Variants in ARHGAP42 observed in about 807,000 individuals in gnomAD.
The protein encoded by ARHGAP42 is rho GTPase-activating protein 42.
ARHGAP42 carries 63 observed loss-of-function variants against 125.0 expected under a neutral mutation model. The observed-to-expected ratio is 0.50, with a 90% CI of 0.41 to 0.62. The LOEUF is 0.62. Among genes scored for constraint, ARHGAP42 ranks in the 20% least tolerant of loss-of-function variants. The probability of loss-of-function intolerance (pLI) is 0.00; values close to 1 mark genes in which losing one functional copy is unlikely to be tolerated. For missense variants in ARHGAP42, 766 were observed against 1,024.2 expected, an observed-to-expected ratio of 0.75 and a Z score of 3.44; for synonymous variants, 339 against 351.0, an observed-to-expected ratio of 0.97 and a Z score of 0.38.
intron 4 of ARHGAP42, among the ~76,000 whole-genome samples, chr11:100,902,071 C>T (rs1866567463): frequency 6.6e-6 from 1 of 152,184 alleles, no homozygotes; most frequent in Non-Finnish European, 1.5e-5. Flanking sequence ...TTTAATAAAA[C>T]TAGCAGAAAA....
intron 1 of ARHGAP42, among the ~76,000 whole-genome samples, chr11:100,745,894 CCT>C (rs1440423180): frequency 6.6e-6 from 1 of 152,180 alleles, no homozygotes; most frequent in Non-Finnish European, 1.5e-5. Context: ...TGACTCAAAT[CCT>C]TCAGCTATTT....
rs183142378 is a variant in ARHGAP42 at position 100,948,822 on chromosome 11, A to G, written c.1122+287A>G. ...TCACCTTGGCTCCACCCATTAGGTT[A>G]GCTTATTCAGTTAATAATGATCGCA... On this transcript the variant is annotated intron_variant, in intron 11 of 23. Transcript: ENST00000298815. 3.9e-3 allele frequency among the ~76,000 whole-genome samples: 594 copies of G among 152,224 alleles called. 3 individuals carry two copies. The highest frequency in any genetic ancestry group is 0.014 in the African/African-American group (568 of 41,562).
intron 3 of ARHGAP42, among the ~76,000 whole-genome samples, chr11:100,842,851 GC>G (rs1239744525): frequency 1.3e-5 from 2 of 152,026 alleles, no homozygotes; most frequent in East Asian, 3.9e-4. Context: ...AGCCCTAAAT[GC>G]CTGCATCAAA....
chr11:100,902,757 C>T (rs566591025), intron 4 of ARHGAP42, among the ~76,000 whole-genome samples: 1 of 152,246 alleles, frequency 6.6e-6, no homozygotes, highest in East Asian at 1.9e-4. Flanking sequence ...ACATTGGCTC[C>T]TTCCATCACG....
intron 1 of ARHGAP42, among the ~76,000 whole-genome samples, chr11:100,737,428 C>CGTT (rs751591381): frequency 6.6e-6 from 1 of 151,982 alleles, no homozygotes; most frequent in Non-Finnish European, 1.5e-5. Context: ...TTTTATGTTT[C>CGTT]GTTGTTGTTG....
At chr11:100,949,262 TG>T (rs565027163) in intron 11 of ARHGAP42, among the ~76,000 whole-genome samples, 3 of 152,106 alleles carry the variant, frequency 2.0e-5, no homozygotes, top group Non-Finnish European at 4.4e-5. Flanking sequence ...TCCCTCAAAC[TG>T]TGTTACCAGT....
Position 100,751,191 on chromosome 11 carries a change from C to T in ARHGAP42, c.155-19152C>T, listed in dbSNP as rs150389388. On this transcript the variant is annotated intron_variant, in intron 1 of 23. Coordinates refer to ENST00000298815, the MANE Select transcript of ARHGAP42 (RefSeq NM_152432.4). ...TGACCTCAGGTGATTCTCCTGCCTT[C>T]GCCTCCCAAAGAGCTGGGATTATAG... Among the ~76,000 whole-genome samples the T allele has an allele frequency of 3.9e-4, 59 of 151,474 alleles. No individual in the cohort carries two copies. In the East Asian group the frequency reaches 6.0e-3, roughly 16 times the overall value.
chr11:100,990,171 T>C lies in ARHGAP42; in HGVS notation c.*1370T>C, dbSNP rs1025820030. Reference sequence around the variant, plus strand: ...ATCTGTATGTGGCAAAGAGCCTTTCTTCTCAAGATCCTGAAAAGCTGGTTA... The same window carrying C: ...ATCTGTATGTGGCAAAGAGCCTTTCCTCTCAAGATCCTGAAAAGCTGGTTA... On this transcript the variant is annotated 3_prime_UTR_variant, in exon 24 of 24. Transcript: ENST00000298815. 5.9e-5 allele frequency: 9 copies of C among 152,200 alleles called. No homozygotes were observed. Among genetic ancestry groups the C allele is most frequent in the African/African-American group, 2.2e-4 (9 of 41,458 alleles). The allele number at this position is 152,200 out of a possible 1,614,324, so 9.4% of individuals were successfully genotyped here.
rs181815234 is a variant in ARHGAP42, at chr11:100,819,733, G to A, written c.312+24567G>A. Among the ~76,000 whole-genome samples the A allele has an allele frequency of 3.4e-3, 522 of 152,222 alleles. 4 individuals carry two copies. Among genetic ancestry groups the A allele is most frequent in the African/African-American group, 0.012 (496 of 41,518 alleles). On this transcript the variant is annotated intron_variant, in intron 3 of 23. Transcript: ENST00000298815. Reference sequence around the variant, plus strand: ...TTAGAACACTGCCTGCCAGATAAGAGCCACATAATTATATGTTAAATAAAA... The same window carrying A: ...TTAGAACACTGCCTGCCAGATAAGAACCACATAATTATATGTTAAATAAAA...
chr11:100,714,277 G>A (rs934903773), intron 1 of ARHGAP42, among the ~76,000 whole-genome samples: 1 of 152,100 alleles, frequency 6.6e-6, no homozygotes, highest in Non-Finnish European at 1.5e-5. Context: ...ATGTGAAAAG[G>A]TTATTGTTAA....
chr11:100,767,095 A>G (rs762264789), intron 1 of ARHGAP42, among the ~76,000 whole-genome samples: 3 of 152,224 alleles, frequency 2.0e-5, no homozygotes, highest in Non-Finnish European at 2.9e-5. Context: ...AGCACTTTCC[A>G]AGGTTATGTA....
chr11:100,918,197 A>G (rs1042892377), intron 5 of ARHGAP42, among the ~76,000 whole-genome samples: 4 of 152,080 alleles, frequency 2.6e-5, no homozygotes, highest in Non-Finnish European at 5.9e-5. Context: ...TTTAGTCACA[A>G]ACCTTTTGTC....
At chr11:100,880,067 C>G (rs935516179) in intron 4 of ARHGAP42, among the ~76,000 whole-genome samples, 9 of 152,152 alleles carry the variant, frequency 5.9e-5, no homozygotes, top group African/African-American at 2.4e-5. Flanking sequence ...TCCCTAGTGC[C>G]TGGCACAGAG....
chr11:100,898,044 G>T (rs1376963360), intron 4 of ARHGAP42, among the ~76,000 whole-genome samples: 1 of 152,116 alleles, frequency 6.6e-6, no homozygotes, highest in Non-Finnish European at 1.5e-5. Flanking sequence ...AGAGTTTTCA[G>T]TATGAAGGGC....
chr11:100,810,940 A>T (rs1026645994), intron 3 of ARHGAP42, among the ~76,000 whole-genome samples: 1 of 152,090 alleles, frequency 6.6e-6, no homozygotes, highest in East Asian at 1.9e-4. Context: ...TGAACATTTT[A>T]TTTATTTATT....
intron 2 of ARHGAP42, among the ~76,000 whole-genome samples, chr11:100,771,408 A>G (rs1862974640): frequency 6.6e-6 from 1 of 152,174 alleles, no homozygotes; most frequent in African/African-American, 2.4e-5. Flanking sequence ...TTTCCAGCTT[A>G]TAGATGTGTG....
intron 3 of ARHGAP42, among the ~76,000 whole-genome samples, chr11:100,809,450 G>A (rs1415207324): frequency 6.6e-6 from 1 of 152,166 alleles, no homozygotes; most frequent in Non-Finnish European, 1.5e-5. Context: ...TTGTAATATG[G>A]CAATGACCTT....
In ARHGAP42 at chr11:100,859,601, A is replaced by G. The variant is rs980964683; in HGVS notation, c.360A>G (p.Arg120=). The G allele has an allele frequency of 7.9e-6, 12 of 1,525,290 alleles. No individual in the cohort carries two copies. Among genetic ancestry groups the G allele is most frequent in the African/African-American group, 1.4e-5 (1 of 71,436 alleles). The allele number at this position is 1,525,290 out of a possible 1,614,324, so 94.5% of individuals were successfully genotyped here. A position where few individuals can be genotyped will look rare whatever the true frequency, so the allele number is the denominator to read the frequency against. Residue 120 remains arginine (R), a synonymous_variant, in exon 4 of 24, where the codon CGA becomes CGG. Transcript: ENST00000298815. ...DVLIAPLEKF[R]KEQIGAAKDG... is the part of the protein sequence containing the mutation. ...TAATTGCACCACTTGAGAAATTTCG[A>G]AAAGAACAGATAGGTGCAGCAAAAG...
intron 3 of ARHGAP42, among the ~76,000 whole-genome samples, chr11:100,822,764 A>G (rs1864432831): frequency 6.6e-6 from 1 of 152,232 alleles, no homozygotes; most frequent in East Asian, 1.9e-4. Context: ...ACAGAGTGGA[A>G]AGTTTTGCAG....
Sources: gnomAD v4.1 joint callset for allele counts (sites outside exome capture counted in the v4.1 genomes callset) on GRCh38, gnomAD v4.1.1 for gene constraint, MANE v1.5 for transcripts, NCBI Gene and HGNC (gene_info 2026-07-23, HGNC 2026-07-21) for gene names.